Variants in USP43 observed in about 807,000 individuals in gnomAD.
USP43 encodes the protein ubiquitin carboxyl-terminal hydrolase 43.
USP43 carries 33 observed loss-of-function variants against 90.7 expected under a neutral mutation model. The ratio of observed to expected loss-of-function variants is 0.36; its 90% CI spans 0.28 to 0.49. The LOEUF (loss-of-function observed/expected upper bound fraction) is 0.49, where lower values mean the gene tolerates loss of function less well. Among genes scored for constraint, USP43 ranks in the 20% least tolerant of loss-of-function variants. The pLI, the probability that USP43 is intolerant of heterozygous loss-of-function variation, is 0.98. For synonymous variants in USP43, 598 were observed against 615.8 expected, an observed-to-expected ratio of 0.97 and a Z score of 0.43; for missense variants, 1,274 against 1,476.4, an observed-to-expected ratio of 0.86 and a Z score of 2.25.
chr17:9,694,088 G>C (rs1915117217), intron 9 of USP43, among the ~76,000 whole-genome samples: 1 of 152,112 alleles, frequency 6.6e-6, no homozygotes, highest in African/African-American at 2.4e-5. Context: ...AACATCTATG[G>C]GGCAGTTCTA....
At chr17:9,662,460 C>G (rs910694855) in intron 2 of USP43, among the ~76,000 whole-genome samples, 35 of 152,196 alleles carry the variant, frequency 2.3e-4, no homozygotes, top group African/African-American at 8.4e-4. Context: ...GGGGGTTCTC[C>G]AGGCACCAGA....
Position 9,676,760 on chromosome 17 carries a change from C to T in USP43, c.848C>T (p.Thr283Ile). 6.2e-7 allele frequency: 1 copy of T among 1,613,688 alleles called. No homozygotes were observed. The highest frequency in any genetic ancestry group is 8.5e-7 in the Non-Finnish European group (1 of 1,179,718). The stretch of plus-strand genomic sequence containing the variant: ...CTATTTTCCAGGTTCTTGAGTGTCA[C>T]CTTGGTCTTCCCCTCTAAGAGCCAG... ...PLRQTRFLSV[T>I]LVFPSKSQRF... is the part of the protein sequence containing the mutation. The change falls in exon 5 of 15, where the codon ACC becomes ATC. Residue 283 changes from threonine (T) to isoleucine (I), a missense_variant. This residue lies in a region of USP43 where 259 missense variants were observed against 373.7 expected (regional missense o/e 0.69). Coordinates refer to ENST00000285199, the MANE Select transcript of USP43 (RefSeq NM_153210.5).
chr17:9,695,344 T>C (rs543969966), intron 9 of USP43, among the ~76,000 whole-genome samples: 6 of 152,106 alleles, frequency 3.9e-5, no homozygotes, highest in South Asian at 4.2e-4. Flanking sequence ...TAAAATTACT[T>C]TTTTTTTGAG....
intron 1 of USP43, among the ~76,000 whole-genome samples, chr17:9,651,215 G>A (rs918520234): frequency 6.6e-6 from 1 of 151,888 alleles, no homozygotes. Context: ...TTGAGACAGA[G>A]TCTCACTCTG....
chr17:9,726,308 C>T (rs1162085457), intron 14 of USP43, among the ~76,000 whole-genome samples: 1 of 152,196 alleles, frequency 6.6e-6, no homozygotes, highest in African/African-American at 2.4e-5. Flanking sequence ...TGTCACACAT[C>T]GTGTTGGCTG....
intron 5 of USP43, among the ~76,000 whole-genome samples, chr17:9,679,724 G>GT (rs1232048564): frequency 6.6e-6 from 1 of 151,876 alleles, no homozygotes; most frequent in African/African-American, 2.4e-5. Context: ...CCTTGAATAG[G>GT]TTATGTGTGC....
chr17:9,726,209 G>T (rs775708279), intron 14 of USP43, among the ~76,000 whole-genome samples: 21 of 152,152 alleles, frequency 1.4e-4, no homozygotes, highest in African/African-American at 5.1e-4. Flanking sequence ...CCTCCCCCGC[G>T]TTCCTGCAGC....
chr17:9,660,854 G>C (rs1392084172), intron 2 of USP43, among the ~76,000 whole-genome samples: 2 of 152,212 alleles, frequency 1.3e-5, no homozygotes, highest in Non-Finnish European at 2.9e-5. Flanking sequence ...TCTGTCTGGG[G>C]TCAAAGCCTC....
At chr17:9,695,419 C>T (rs769137527) in intron 9 of USP43, among the ~76,000 whole-genome samples, 9 of 152,038 alleles carry the variant, frequency 5.9e-5, no homozygotes, top group African/African-American at 1.9e-4. Flanking sequence ...CTGCAACCTC[C>T]GCCTCCTGGG....
At chr17:9,716,090 CTGTG>C (rs928092778) in intron 14 of USP43, among the ~76,000 whole-genome samples, 3 of 141,752 alleles carry the variant, frequency 2.1e-5, no homozygotes, top group East Asian at 4.1e-4. Flanking sequence ...GCCTGTATGT[CTGTG>C]TGTGTGTGTT....
At chr17:9,708,773 G>A (rs1023670348) in intron 12 of USP43, among the ~76,000 whole-genome samples, 10 of 152,156 alleles carry the variant, frequency 6.6e-5, no homozygotes, top group Admixed American at 3.3e-4. Context: ...GATTACAGGC[G>A]TGCACCACTA....
chr17:9,647,252 ACC>A (rs908734367), intron 1 of USP43, among the ~76,000 whole-genome samples: 1 of 151,864 alleles, frequency 6.6e-6, no homozygotes, highest in African/African-American at 2.4e-5. Flanking sequence ...TTGCCATGTG[ACC>A]CATGAGATGC....
At chr17:9,711,884 TG>T in intron 13 of USP43, 83 bp from the exon 14 acceptor site, 3 of 1,391,836 alleles carry the variant, frequency 2.2e-6, no homozygotes, top group Middle Eastern at 2.7e-4. Flanking sequence ...GGGGCCGGAA[TG>T]GGGATCTGGT....
Position 9,686,902 on chromosome 17 carries a change from C to T in USP43, c.1346C>T (p.Pro449Leu). Residue 449 changes from proline to leucine, a missense_variant, in exon 8 of 15, where the codon CCT becomes CTT. Pro to Leu is a moderately conservative substitution (Grantham distance 98). Coordinates refer to ENST00000285199, the MANE Select transcript of USP43 (RefSeq NM_153210.5). The surrounding 1 kb of genome is among the most constrained non-coding windows in gnomAD (Gnocchi z 5.5). The part of the protein sequence containing the change: ...KVRHLMKSEA[P>L]VQNLGSLFSI... ...CGCCATCTTATGAAGAGTGAGGCCCCTGTACAGGTCAGTGGTGTGCATGCG... is the reference window on the plus strand; with the variant it reads ...CGCCATCTTATGAAGAGTGAGGCCCTTGTACAGGTCAGTGGTGTGCATGCG... The T allele has an allele frequency of 1.9e-6, 3 of 1,613,172 alleles. No homozygotes were observed. Among genetic ancestry groups the T allele is most frequent in the Non-Finnish European group, 2.5e-6 (3 of 1,179,782 alleles).
intron 14 of USP43, among the ~76,000 whole-genome samples, chr17:9,717,007 G>C (rs543081373): frequency 1.3e-5 from 2 of 151,930 alleles, no homozygotes; most frequent in African/African-American, 2.4e-5. Flanking sequence ...ATGGTGGCGG[G>C]CACCTGTAAT....
chr17:9,715,541 T>TGTC (rs1916457754), intron 14 of USP43, among the ~76,000 whole-genome samples: 1 of 149,820 alleles, frequency 6.7e-6, no homozygotes, highest in African/African-American at 2.5e-5. Flanking sequence ...TCTGTGTGTG[T>TGTC]GTCTGTGTCT....
chr17:9,714,122 C>T (rs541237539), intron 14 of USP43, among the ~76,000 whole-genome samples: 24 of 152,256 alleles, frequency 1.6e-4, no homozygotes, highest in East Asian at 1.9e-4. Flanking sequence ...TGACAGGAGG[C>T]GGAGCTCAGG....
chr17:9,728,721 G>A lies in USP43; in HGVS notation c.3103G>A (p.Asp1035Asn). 6.2e-7 allele frequency: 1 copy of A among 1,601,842 alleles called. No individual in the cohort carries two copies. Among genetic ancestry groups the A allele is most frequent in the Non-Finnish European group, 8.5e-7 (1 of 1,174,688 alleles). ...LVSGGLSPAM[D>N]GQAPGSPPAL... ...GAGTGGCGGGCTGAGCCCTGCCATG[G>A]ACGGGCAGGCTCCAGGCTCACCTCC... Residue 1035 changes from aspartate (D) to asparagine (N), a missense_variant, in exon 15 of 15, where the codon GAC (aspartate) becomes AAC (asparagine). Physicochemically the swap from Asp to Asn is conservative, Grantham distance 23. Coordinates refer to ENST00000285199, the MANE Select transcript of USP43 (RefSeq NM_153210.5). The surrounding 1 kb of genome is among the most constrained non-coding windows in gnomAD (Gnocchi z 6.2).
intron 3 of USP43, among the ~76,000 whole-genome samples, chr17:9,671,222 T>C (rs1313851125): frequency 6.6e-6 from 1 of 152,214 alleles, no homozygotes; most frequent in African/African-American, 2.4e-5. Context: ...TCTAAAAATG[T>C]CTGCAAGTCT....
Sources: gnomAD v4.1 joint callset for allele counts (sites outside exome capture counted in the v4.1 genomes callset) on GRCh38, gnomAD v4.1.1 for gene constraint, gnomAD v4.1.1 regional missense constraint, Gnocchi (gnomAD v3.1) non-coding constraint, MANE v1.5 for transcripts, NCBI Gene and HGNC (gene_info 2026-07-23, HGNC 2026-07-21) for gene names.